The following FRS2 variants were observed in gnomAD, a reference collection of about 807,000 sequenced individuals.
FRS2 encodes FGFR signalling adaptor.
FRS2 carries 8 observed loss-of-function variants against 43.9 expected under a neutral mutation model. The ratio of observed to expected loss-of-function variants is 0.18; its 90% CI spans 0.11 to 0.33. The LOEUF (loss-of-function observed/expected upper bound fraction) is 0.33, where lower values mean the gene tolerates loss of function less well. FRS2 is among the 10% of genes least tolerant of loss of function. FRS2 has a pLI of 1.00. For missense variants in FRS2, 534 were observed against 627.6 expected, an observed-to-expected ratio of 0.85 and a Z score of 1.59; for synonymous variants, 219 against 220.3, an observed-to-expected ratio of 0.99 and a Z score of 0.05.
intron 1 of FRS2, among the ~76,000 whole-genome samples, chr12:69,485,109 A>ACGCGCG (rs941367816): frequency 8.5e-4 from 126 of 148,760 alleles, no homozygotes; most frequent in East Asian, 2.0e-3. Context: ...ACACACACAC[A>ACGCGCG]CACACACACA....
chr12:69,536,779 A>C (rs946763075), intron 3 of FRS2, among the ~76,000 whole-genome samples: 21 of 151,766 alleles, frequency 1.4e-4, no homozygotes, highest in African/African-American at 4.6e-4. Context: ...ATGTTGCTTA[A>C]GTTGGTCTTG....
At position 69,522,358 on chromosome 12, in the gene FRS2, C is replaced by A. The variant is rs548411429; in HGVS notation, c.-260-8507C>A. 2.0e-4 allele frequency among the ~76,000 whole-genome samples: 31 copies of A among 151,922 alleles called. No homozygotes were observed. In the South Asian group the frequency reaches 5.6e-3, roughly 28 times the overall value. ...AGATGGTACTAGCTCTTCTTTTATTCATTTCTTCTAGATTTTCTAGTTTGT... is the reference window on the plus strand; with the variant it reads ...AGATGGTACTAGCTCTTCTTTTATTAATTTCTTCTAGATTTTCTAGTTTGT... On this transcript the variant is annotated intron_variant, in intron 1 of 8. Transcript: ENST00000549921.
intron 4 of FRS2, among the ~76,000 whole-genome samples, chr12:69,563,917 CCT>C (rs1376754542): frequency 5.9e-5 from 9 of 152,084 alleles, no homozygotes; most frequent in African/African-American, 2.2e-4. Flanking sequence ...CTACTATCCC[CCT>C]CTGTCTTGAT....
intron 1 of FRS2, among the ~76,000 whole-genome samples, chr12:69,495,567 A>T (rs1431393542): frequency 3.9e-5 from 6 of 152,216 alleles, no homozygotes; most frequent in African/African-American, 1.2e-4. Context: ...GTAGTTCTCT[A>T]GAATGGAGTA....
chr12:69,493,370 T>A (rs1487962949), intron 1 of FRS2, among the ~76,000 whole-genome samples: 1 of 152,220 alleles, frequency 6.6e-6, no homozygotes, highest in East Asian at 1.9e-4. Flanking sequence ...ATGTGGTTTT[T>A]AAAATTGCTT....
rs1881245412 is a variant in FRS2 at position 69,577,129 on chromosome 12, GT to G, written c.*2177del. 1 of 151,914 alleles carries G rather than the reference GT, an allele frequency of 6.6e-6. No homozygotes were observed. The highest frequency in any genetic ancestry group is 1.5e-5 in the Non-Finnish European group (1 of 67,950). The allele number at this position is 151,914 out of a possible 1,614,324, so 9.4% of individuals were successfully genotyped here. ...CTTTCTTTCCGTCATCCTTTTCATT[GT>G]TTCCCCCGGATTCTAATTAGTTTTT... On this transcript the variant is annotated 3_prime_UTR_variant, in exon 9 of 9. Coordinates refer to ENST00000549921, the MANE Select transcript of FRS2 (RefSeq NM_001278356.2).
intron 1 of FRS2, among the ~76,000 whole-genome samples, chr12:69,509,091 C>T (rs1453869250): frequency 3.9e-5 from 6 of 152,168 alleles, no homozygotes; most frequent in Non-Finnish European, 5.9e-5. Context: ...TATGGTTGGA[C>T]ACATTAAGTA....
chr12:69,494,813 G>T (rs1161961760), intron 1 of FRS2, among the ~76,000 whole-genome samples: 5 of 151,976 alleles, frequency 3.3e-5, no homozygotes, highest in South Asian at 2.1e-4. Flanking sequence ...TGCTCTTGTT[G>T]CCCAGTCTGG....
intron 1 of FRS2, among the ~76,000 whole-genome samples, chr12:69,511,827 A>G (rs1874485658): frequency 1.3e-5 from 2 of 152,226 alleles, no homozygotes; most frequent in Non-Finnish European, 2.9e-5. Flanking sequence ...GGATTAAATG[A>G]ACAATGTATG....
intron 3 of FRS2, among the ~76,000 whole-genome samples, chr12:69,553,787 A>G (rs1465574496): frequency 6.6e-6 from 1 of 152,168 alleles, no homozygotes; most frequent in Non-Finnish European, 1.5e-5. Context: ...GTAGGGAAGA[A>G]AAACTTTGGG....
rs1433873899 is a variant in FRS2 at position 69,575,864 on chromosome 12, TGTTTGA to T, written c.*915_*920del. On this transcript the variant is annotated 3_prime_UTR_variant, in exon 9 of 9. Transcript: ENST00000549921. ...GCCTTATGTCCTTTTCAATTTAAAA[TGTTTGA>T]GTTTGTATATAGTTTTGAAATTGGA... The T allele has an allele frequency of 6.6e-6, 1 of 152,630 alleles. No individual in the cohort carries two copies. Among genetic ancestry groups the T allele is most frequent in the South Asian group, 2.1e-4 (1 of 4,838 alleles). 9.5% of individuals were successfully genotyped at this position (152,630 alleles called of 1,614,324 possible).
At position 69,574,970 on chromosome 12, in the gene FRS2, G is replaced by T; in HGVS notation, c.*15G>T. The T allele has an allele frequency of 6.6e-7, 1 of 1,520,442 alleles. No homozygotes were observed. Among genetic ancestry groups the T allele is most frequent in the Non-Finnish European group, 9.1e-7 (1 of 1,098,774 alleles). The allele number at this position is 1,520,442 out of a possible 1,614,324, so 94.2% of individuals were successfully genotyped here. The stretch of plus-strand genomic sequence containing the variant: ...TGCCCATGTGAGCCTGGAAAGCATT[G>T]TGTTGTTTGCACCTTTGTGAAGTTT... On this transcript the variant is annotated 3_prime_UTR_variant, in exon 9 of 9. Coordinates refer to ENST00000549921, the MANE Select transcript of FRS2 (RefSeq NM_001278356.2).
rs1243357642 is a variant in FRS2 at position 69,569,066 on chromosome 12, T to C, written c.36T>C (p.Thr12=). The C allele has an allele frequency of 7.4e-6, 12 of 1,612,134 alleles. No individual in the cohort carries two copies. Among genetic ancestry groups the C allele is most frequent in the Non-Finnish European group, 1.0e-5 (12 of 1,178,674 alleles). ...GSCCSCPDKD[T]VPDNHRNKFK... ...GTTGTAGCTGTCCAGATAAAGACAC[T>C]GTCCCAGATAACCATCGGAACAAGT... The change falls in exon 5 of 9, where the codon ACT becomes ACC. Residue 12 remains threonine, a synonymous_variant. Transcript: ENST00000549921.
At position 69,472,017 on chromosome 12, in the gene FRS2, A is replaced by T. The variant is rs117525915; in HGVS notation, c.-261+1487A>T. Among the ~76,000 whole-genome samples, 163 of 152,312 alleles carry T rather than the reference A, an allele frequency of 1.1e-3. 1 individual carries two copies. In the East Asian group the frequency reaches 0.027, roughly 25 times the overall value. ...ATTTTGAACAGGCAAAGGGTAGATG[A>T]TTTTTAAAGTCCTTGGAAAAAATTG... On this transcript the variant is annotated intron_variant, in intron 1 of 8. Coordinates refer to ENST00000549921, the MANE Select transcript of FRS2 (RefSeq NM_001278356.2).
chr12:69,559,299 C>T (rs1879684690), intron 3 of FRS2, among the ~76,000 whole-genome samples: 1 of 152,034 alleles, frequency 6.6e-6, no homozygotes, highest in African/African-American at 2.4e-5. Flanking sequence ...AACTGCAGTT[C>T]AGGGAATTTT....
rs75219491 is a variant in FRS2, at chr12:69,478,948, CT to C, written c.-261+8432del. 5.2e-3 allele frequency among the ~76,000 whole-genome samples: 734 copies of C among 140,612 alleles called. 1 individual carries two copies. The highest frequency in any genetic ancestry group is 0.011 in the Middle Eastern group (3 of 280). 92.2% of individuals were successfully genotyped at this position (140,612 alleles called of 152,430 possible). A position where few individuals can be genotyped will look rare whatever the true frequency, so the allele number is the denominator to read the frequency against. On this transcript the variant is annotated intron_variant, in intron 1 of 8. Transcript: ENST00000549921. ...TTTTGTTTTAATTTTATATGAATGTCTTTTTTTTTTTTTTAACATTTCCCTC... is the reference window on the plus strand; with the variant it reads ...TTTTGTTTTAATTTTATATGAATGTCTTTTTTTTTTTTTAACATTTCCCTC...
chr12:69,476,765 T>TGGGGGGGGGGGGGGGG (rs1870823120), intron 1 of FRS2, among the ~76,000 whole-genome samples: 1 of 31,754 alleles, frequency 3.1e-5, no homozygotes, highest in Non-Finnish European at 6.0e-5. Context: ...GGGGGGGGTG[T>TGGGGGGGGGGGGGGGG]GGGGGTGGGG....
At chr12:69,552,725 C>T (rs1243644509) in intron 3 of FRS2, among the ~76,000 whole-genome samples, 1 of 152,048 alleles carries the variant, frequency 6.6e-6, no homozygotes, top group Non-Finnish European at 1.5e-5. Flanking sequence ...AACCCTGTCT[C>T]TACTAAAAAT....
At chr12:69,563,177 TGTA>T (rs1276862987) in intron 4 of FRS2, among the ~76,000 whole-genome samples, 1 of 152,218 alleles carries the variant, frequency 6.6e-6, no homozygotes, top group East Asian at 1.9e-4. Flanking sequence ...ATAGCTCAGA[TGTA>T]GTCTTCAAAT....
Sources: allele counts gnomAD v4.1 joint callset (sites outside exome capture counted in the v4.1 genomes callset), GRCh38; gene constraint gnomAD v4.1.1; transcripts MANE v1.5; gene names NCBI Gene and HGNC (gene_info 2026-07-23, HGNC 2026-07-21).